CHSY3: variants seen among roughly 807,000 people sequenced by gnomAD.
The protein encoded by CHSY3 is chondroitin sulfate synthase 3, also known as N-acetylgalactosaminyl-proteoglycan 3-beta-glucuronosyltransferase 3.
Under a neutral mutation model 67.2 loss-of-function variants are expected in CHSY3, and 35 were observed. The ratio of observed to expected loss-of-function variants is 0.52; its 90% CI spans 0.40 to 0.69. The LOEUF is 0.69. Ranked by LOEUF, CHSY3 falls within the 30% of genes least tolerant of loss-of-function variation. CHSY3 has a pLI of 0.00. For missense variants in CHSY3, 1,069 were observed against 1,138.5 expected (o/e 0.94, Z 0.88); for synonymous variants, 474 against 434.7 (o/e 1.09, Z -1.12).
At chr5:129,998,242 TA>T (rs56781340) in intron 2 of CHSY3, among the ~76,000 whole-genome samples, 81,008 of 151,960 alleles carry the variant, frequency 0.53, 21,922 homozygotes, top group Middle Eastern at 0.59. Context: ...TGCTCACTGT[TA>T]ATAACACTTC....
intron 2 of CHSY3, among the ~76,000 whole-genome samples, chr5:130,138,153 C>T (rs1298847745): frequency 2.0e-5 from 3 of 152,106 alleles, no homozygotes; most frequent in Non-Finnish European, 1.5e-5. Context: ...CCAATCCCTG[C>T]TACAGATGTT....
At chr5:129,954,799 G>T (rs914541952) in intron 2 of CHSY3, among the ~76,000 whole-genome samples, 1 of 152,062 alleles carries the variant, frequency 6.6e-6, no homozygotes, top group Non-Finnish European at 1.5e-5. Context: ...TGATGTATAG[G>T]AATGCTTGTG....
Position 129,978,034 on chromosome 5 carries a change from T to C in CHSY3, c.1086+69674T>C, listed in dbSNP as rs148511752. 2.0e-5 allele frequency among the ~76,000 whole-genome samples: 3 copies of C among 152,306 alleles called. No individual in the cohort carries two copies. In the East Asian group the frequency reaches 5.8e-4, roughly 29 times the overall value. On this transcript the variant is annotated intron_variant, in intron 2 of 2. Transcript: ENST00000305031. Reference sequence around the variant, plus strand: ...TTTCTTTCTCAGTTTCTGTTGTGCTTCTTTTTCACAATCTTCTGCCTTTCC... The same window carrying C: ...TTTCTTTCTCAGTTTCTGTTGTGCTCCTTTTTCACAATCTTCTGCCTTTCC...
At chr5:130,041,560 G>A (rs1580675978) in intron 2 of CHSY3, among the ~76,000 whole-genome samples, 2 of 152,058 alleles carry the variant, frequency 1.3e-5, no homozygotes, top group South Asian at 2.1e-4. Context: ...CTGAGAAAAC[G>A]ATAAAAGCAA....
At chr5:130,067,730 G>A (rs1361168435) in intron 2 of CHSY3, among the ~76,000 whole-genome samples, 1 of 152,078 alleles carries the variant, frequency 6.6e-6, no homozygotes, top group Non-Finnish European at 1.5e-5. Flanking sequence ...TTAGGGTAGA[G>A]TTTGAGAATA....
intron 1 of CHSY3, among the ~76,000 whole-genome samples, chr5:129,907,493 A>T (rs1046557550): frequency 6.6e-6 from 1 of 152,202 alleles, no homozygotes; most frequent in Non-Finnish European, 1.5e-5. Context: ...TTCTGAACTT[A>T]ACAAACTGCA....
intron 2 of CHSY3, among the ~76,000 whole-genome samples, chr5:130,178,249 A>ATTTTTTTTTTTTTTT (rs1253548592): frequency 1.5e-5 from 1 of 68,486 alleles, no homozygotes; most frequent in East Asian, 5.5e-4. Context: ...ATATATATAT[A>ATTTTTTTTTTTTTTT]TATATTTTTT....
intron 2 of CHSY3, among the ~76,000 whole-genome samples, chr5:130,074,925 C>G (rs546997571): frequency 2.6e-5 from 4 of 152,170 alleles, no homozygotes; most frequent in African/African-American, 9.6e-5. Flanking sequence ...TGCCACATGA[C>G]TTCAGACAAG....
intron 2 of CHSY3, among the ~76,000 whole-genome samples, chr5:130,182,493 T>C (rs1770279091): frequency 6.6e-6 from 1 of 152,116 alleles, no homozygotes; most frequent in African/African-American, 2.4e-5. Context: ...GGTTCTTAAC[T>C]TTAACATAAT....
chr5:130,113,941 G>A (rs1187705065), intron 2 of CHSY3, among the ~76,000 whole-genome samples: 1 of 152,108 alleles, frequency 6.6e-6, no homozygotes, highest in Non-Finnish European at 1.5e-5. Flanking sequence ...GCCACCATGA[G>A]AACTATGTTA....
intron 2 of CHSY3, among the ~76,000 whole-genome samples, chr5:130,022,450 A>G (rs1764419722): frequency 6.6e-6 from 1 of 152,020 alleles, no homozygotes; most frequent in South Asian, 2.1e-4. Context: ...AGTGAATAGT[A>G]AATAGTAAAT....
Position 130,172,687 on chromosome 5 carries a change from C to T in CHSY3, c.1087-11542C>T, listed in dbSNP as rs149065198. 6.6e-5 allele frequency among the ~76,000 whole-genome samples: 10 copies of T among 152,254 alleles called. No individual in the cohort carries two copies. In the East Asian group the frequency reaches 1.4e-3, roughly 21 times the overall value. On this transcript the variant is annotated intron_variant, in intron 2 of 2. Transcript: ENST00000305031. ...TAGTATCAGCTATATTAATGTGCTA[C>T]GCAATGTTTCTGTAGAACTTTTTAA...
chr5:130,031,353 G>A (rs1347662926), intron 2 of CHSY3, among the ~76,000 whole-genome samples: 1 of 151,958 alleles, frequency 6.6e-6, no homozygotes, highest in Non-Finnish European at 1.5e-5. Flanking sequence ...TGGATTTTAT[G>A]CATATATGAA....
intron 2 of CHSY3, among the ~76,000 whole-genome samples, chr5:130,076,961 G>T (rs148660390): frequency 7.0e-4 from 98 of 140,966 alleles, no homozygotes; most frequent in African/African-American, 2.1e-3. Context: ...ATGCGGGGAG[G>T]GGGGAGGGAT....
In CHSY3 at chr5:130,097,874, T is replaced by C. The variant is rs934861913; in HGVS notation, c.1087-86355T>C. On this transcript the variant is annotated intron_variant, in intron 2 of 2. Transcript: ENST00000305031. ...AAAAGAAATTAGCCGGGCATGGTGG[T>C]GGGCGCCTGTAGTCCCAGCTACTCG... Among the ~76,000 whole-genome samples, 7 of 151,854 alleles carry C rather than the reference T, an allele frequency of 4.6e-5. No homozygotes were observed. In the East Asian group the frequency reaches 1.4e-3, roughly 30 times the overall value.
At chr5:130,177,200 T>TAC (rs1266778532) in intron 2 of CHSY3, among the ~76,000 whole-genome samples, 2 of 150,760 alleles carry the variant, frequency 1.3e-5, no homozygotes, top group Non-Finnish European at 3.0e-5. Context: ...TATATATATA[T>TAC]ATGAGTGTGT....
At chr5:130,169,114 T>C (rs1769829593) in intron 2 of CHSY3, among the ~76,000 whole-genome samples, 1 of 152,160 alleles carries the variant, frequency 6.6e-6, no homozygotes, top group South Asian at 2.1e-4. Context: ...ATCTTTCTCA[T>C]GGTTTCCATT....
intron 2 of CHSY3, among the ~76,000 whole-genome samples, chr5:130,031,732 T>G (rs1764708706): frequency 6.6e-6 from 1 of 152,210 alleles, no homozygotes; most frequent in Non-Finnish European, 1.5e-5. Flanking sequence ...CTGTGTTGTT[T>G]AAGATGCAAA....
At chr5:129,923,352 G>A (rs1760985462) in intron 2 of CHSY3, among the ~76,000 whole-genome samples, 1 of 152,128 alleles carries the variant, frequency 6.6e-6, no homozygotes, top group East Asian at 1.9e-4. Flanking sequence ...GCCATTGGGA[G>A]AGGGTGAAGA....
Sources: allele counts gnomAD v4.1 joint callset (sites outside exome capture counted in the v4.1 genomes callset), GRCh38; gene constraint gnomAD v4.1.1; transcripts MANE v1.5; gene names NCBI Gene and HGNC (gene_info 2026-07-23, HGNC 2026-07-21).